The following DOCK4 variants were observed in gnomAD, a reference collection of about 807,000 sequenced individuals.
DOCK4 encodes dedicator of cytokinesis protein 4.
In DOCK4, 97 loss-of-function variants were observed where a neutral mutation model predicts 268.1. The ratio of observed to expected loss-of-function variants is 0.36; its 90% CI spans 0.31 to 0.43. The LOEUF is 0.43. Among genes scored for constraint, DOCK4 ranks in the 20% least tolerant of loss-of-function variants. The pLI, the probability that DOCK4 is intolerant of heterozygous loss-of-function variation, is 1.00. For synonymous variants in DOCK4, 954 were observed against 887.2 expected (o/e 1.08, Z -1.34); for missense variants, 2,145 against 2,455.7 (o/e 0.87, Z 2.67).
intron 1 of DOCK4, among the ~76,000 whole-genome samples, chr7:112,187,305 A>G (rs756720173): frequency 1.3e-5 from 2 of 152,208 alleles, no homozygotes; most frequent in Non-Finnish European, 2.9e-5. Flanking sequence ...ATAAAACTTC[A>G]GAGTCCAGTC....
At chr7:111,868,413 A>C (rs1196172054) in intron 21 of DOCK4, among the ~76,000 whole-genome samples, 1 of 152,192 alleles carries the variant, frequency 6.6e-6, no homozygotes, top group African/African-American at 2.4e-5. Flanking sequence ...TTTAATAGAA[A>C]ATTTAAAAAC....
At chr7:111,984,511 C>T (rs1798895838) in intron 6 of DOCK4, 121 bp from the exon 7 acceptor site, 1 of 745,396 alleles carries the variant, frequency 1.3e-6, no homozygotes. Context: ...CTTCTCTCAC[C>T]TTGTATGACT....
rs367586750 is a variant in DOCK4, at chr7:112,151,317, A to T, written c.37+54785T>A. 2.6e-5 allele frequency among the ~76,000 whole-genome samples: 4 copies of T among 152,058 alleles called. No homozygotes were observed. The East Asian group carries it at 7.7e-4, about 29-fold the overall frequency. On this transcript the variant is annotated intron_variant, in intron 1 of 52. Coordinates refer to ENST00000428084, the MANE Select transcript of DOCK4 (RefSeq NM_001363540.2). ...TGGCAACAGTAACAACATCTACCTCATAGGTCTGTAGGATGCCAATAAAAT... is the reference window on the plus strand; with the variant it reads ...TGGCAACAGTAACAACATCTACCTCTTAGGTCTGTAGGATGCCAATAAAAT...
intron 1 of DOCK4, among the ~76,000 whole-genome samples, chr7:112,077,194 T>C (rs1245167079): frequency 1.3e-5 from 2 of 151,996 alleles, no homozygotes; most frequent in Non-Finnish European, 2.9e-5. Flanking sequence ...TGGATAAATC[T>C]TTGCTCCACC....
intron 30 of DOCK4, among the ~76,000 whole-genome samples, chr7:111,803,909 C>T (rs1800477660): frequency 6.6e-6 from 1 of 152,092 alleles, no homozygotes; most frequent in Admixed American, 6.6e-5. Context: ...CCACCTCACA[C>T]CCATTAGGAT....
In DOCK4 at chr7:112,054,212, C is replaced by T. The variant is rs191150409; in HGVS notation, c.38-50081G>A. ...GTAACATATTTGGAACTGTGAGGTA[C>T]AGGAAATGAGTACCTCCACCTCAGA... On this transcript the variant is annotated intron_variant, in intron 1 of 52. Transcript: ENST00000428084. Among the ~76,000 whole-genome samples, 5 of 152,176 alleles carry T rather than the reference C, an allele frequency of 3.3e-5. No homozygotes were observed. The East Asian group carries it at 9.6e-4, about 29-fold the overall frequency.
At chr7:111,844,241 A>C (rs1278039120) in intron 25 of DOCK4, among the ~76,000 whole-genome samples, 1 of 152,162 alleles carries the variant, frequency 6.6e-6, no homozygotes, top group African/African-American at 2.4e-5. Context: ...ACACACTCGC[A>C]CTCCAACCTG....
At chr7:112,086,807 T>A (rs1359051839) in intron 1 of DOCK4, among the ~76,000 whole-genome samples, 4 of 152,076 alleles carry the variant, frequency 2.6e-5, no homozygotes, top group Non-Finnish European at 5.9e-5. Context: ...TGTAGGGGAA[T>A]TAAACAGTAA....
chr7:112,094,784 C>T (rs1400141708), intron 1 of DOCK4, among the ~76,000 whole-genome samples: 2 of 152,034 alleles, frequency 1.3e-5, no homozygotes, highest in Non-Finnish European at 2.9e-5. Flanking sequence ...GGGGATGGAT[C>T]CCTCATGGCT....
At chr7:112,052,699 G>T (rs1805471604) in intron 1 of DOCK4, among the ~76,000 whole-genome samples, 1 of 151,948 alleles carries the variant, frequency 6.6e-6, no homozygotes, top group African/African-American at 2.4e-5. Flanking sequence ...CAATAATGCT[G>T]TTTCCTCATA....
chr7:112,107,325 G>C (rs1811222895), intron 1 of DOCK4, among the ~76,000 whole-genome samples: 1 of 152,172 alleles, frequency 6.6e-6, no homozygotes, highest in South Asian at 2.1e-4. Flanking sequence ...GGTTAAACGA[G>C]GTCACATGGA....
At chr7:111,882,853 C>T (rs536404548) in intron 16 of DOCK4, among the ~76,000 whole-genome samples, 1 of 152,264 alleles carries the variant, frequency 6.6e-6, no homozygotes, top group African/African-American at 2.4e-5. Context: ...AGGTGATCCG[C>T]CTGCCTCAGC....
chr7:112,105,647 C>T (rs1414404470), intron 1 of DOCK4, among the ~76,000 whole-genome samples: 2 of 148,488 alleles, frequency 1.3e-5, no homozygotes, highest in Non-Finnish European at 3.0e-5. Flanking sequence ...TTTCTTCTTC[C>T]TCTTCCTCCT....
At chr7:111,747,568 G>T in intron 42 of DOCK4, 125 bp from the exon 43 acceptor site, 1 of 912,416 alleles carries the variant, frequency 1.1e-6, no homozygotes, top group Non-Finnish European at 1.6e-6. Context: ...CTCTACCAGG[G>T]GCCATTCCGT....
chr7:111,979,185 A>G (rs1183289927), intron 7 of DOCK4, among the ~76,000 whole-genome samples: 1 of 152,150 alleles, frequency 6.6e-6, no homozygotes, highest in Non-Finnish European at 1.5e-5. Flanking sequence ...AATCACTAGA[A>G]TTTTTTCGTG....
At chr7:111,975,512 G>A (rs1239419916) in intron 8 of DOCK4, among the ~76,000 whole-genome samples, 6 of 152,004 alleles carry the variant, frequency 3.9e-5, no homozygotes, top group East Asian at 3.9e-4. Flanking sequence ...AGTTTTTCAC[G>A]CCTTTTACTT....
At chr7:111,995,411 CTTTG>C (rs1389544619) in intron 4 of DOCK4, among the ~76,000 whole-genome samples, 1 of 110,664 alleles carries the variant, frequency 9.0e-6, no homozygotes, top group South Asian at 3.3e-4. Context: ...CAAATTCTTT[CTTTG>C]TGTGTGTGTG....
At chr7:111,907,327 T>A (rs1240803392) in intron 13 of DOCK4, among the ~76,000 whole-genome samples, 1 of 152,212 alleles carries the variant, frequency 6.6e-6, no homozygotes, top group African/African-American at 2.4e-5. Context: ...GGGCACATGA[T>A]GCAACACCCA....
chr7:112,086,318 C>T (rs1809087312), intron 1 of DOCK4, among the ~76,000 whole-genome samples: 1 of 152,084 alleles, frequency 6.6e-6, no homozygotes, highest in African/African-American at 2.4e-5. Context: ...AAGTCGTGCA[C>T]CAGTTAACGT....
Sources: allele counts gnomAD v4.1 joint callset (sites outside exome capture counted in the v4.1 genomes callset), GRCh38; gene constraint gnomAD v4.1.1; transcripts MANE v1.5; gene names NCBI Gene and HGNC (gene_info 2026-07-23, HGNC 2026-07-21).